The following DIAPH3 variants were observed in gnomAD, a reference collection of about 807,000 sequenced individuals.
The protein encoded by DIAPH3 is protein diaphanous homolog 3.
A neutral mutation model predicts 144.3 loss-of-function variants in DIAPH3; 117 were observed. That is an observed-to-expected ratio of 0.81 (90% CI 0.70 to 0.95). DIAPH3 has a LOEUF of 0.95. Among genes scored for constraint, DIAPH3 ranks in the 40% least tolerant of loss-of-function variants. The pLI, the probability that DIAPH3 is intolerant of heterozygous loss-of-function variation, is 0.00. For missense variants in DIAPH3, 1,421 were observed against 1,412.7 expected (o/e 1.01, Z -0.09); for synonymous variants, 519 against 488.9 (o/e 1.06, Z -0.81).
chr13:60,155,235 G>C (rs964965219), intron 1 of DIAPH3, among the ~76,000 whole-genome samples: 12 of 152,128 alleles, frequency 7.9e-5, no homozygotes, highest in Non-Finnish European at 1.8e-4. Context: ...CAGTTTGCTT[G>C]CTTCATAATT....
intron 27 of DIAPH3, among the ~76,000 whole-genome samples, chr13:59,667,839 T>C (rs1179813680): frequency 1.3e-5 from 2 of 152,226 alleles, no homozygotes; most frequent in African/African-American, 2.4e-5. Context: ...ATTGTCCCAA[T>C]AGTAATGACT....
In DIAPH3 at chr13:60,001,935, T is replaced by A. The variant is rs577043668; in HGVS notation, c.1014+6609A>T. ...AATCTGTGCCTGATTTCAGCTAAAG[T>A]GATCAGTGACACCACATCAGCCCTG... is the stretch of plus-strand genomic sequence containing the variant. On this transcript the variant is annotated intron_variant, in intron 9 of 27. Coordinates refer to ENST00000400324, the MANE Select transcript of DIAPH3 (RefSeq NM_001042517.2). Among the ~76,000 whole-genome samples the A allele has an allele frequency of 5.9e-5, 9 of 152,272 alleles. 1 individual carries two copies. The highest frequency in any genetic ancestry group is 1.4e-4 in the African/African-American group (6 of 41,560).
chr13:60,002,955 A>C (rs1182186329), intron 9 of DIAPH3, among the ~76,000 whole-genome samples: 1 of 152,236 alleles, frequency 6.6e-6, no homozygotes, highest in Non-Finnish European at 1.5e-5. Context: ...AATAAAAATA[A>C]CAGAAGATTA....
intron 22 of DIAPH3, among the ~76,000 whole-genome samples, chr13:59,844,894 C>A (rs73543239): frequency 6.2e-4 from 94 of 152,240 alleles, no homozygotes; most frequent in African/African-American, 2.2e-3. Context: ...TGCTAGAAAC[C>A]TGCTGGTCTT....
chr13:59,749,136 C>T (rs1344392818), intron 27 of DIAPH3, among the ~76,000 whole-genome samples: 2 of 144,042 alleles, frequency 1.4e-5, no homozygotes, highest in Non-Finnish European at 3.0e-5. Flanking sequence ...ATCGCTTGTG[C>T]CCGGGAGGCA....
intron 27 of DIAPH3, among the ~76,000 whole-genome samples, chr13:59,695,837 T>C (rs2033771412): frequency 6.6e-6 from 1 of 152,174 alleles, no homozygotes; most frequent in Non-Finnish European, 1.5e-5. Context: ...TTAAGCTGAG[T>C]CAACCAATTA....
chr13:60,142,555 C>A (rs1268438139), intron 1 of DIAPH3, among the ~76,000 whole-genome samples: 3 of 152,104 alleles, frequency 2.0e-5, no homozygotes, highest in African/African-American at 4.8e-5. Context: ...CCTAAGGAGT[C>A]CCCCCAAGAG....
At chr13:59,874,023 C>A (rs570121531) in intron 21 of DIAPH3, among the ~76,000 whole-genome samples, 6 of 152,230 alleles carry the variant, frequency 3.9e-5, no homozygotes, top group African/African-American at 1.4e-4. Flanking sequence ...TTTGTCGTGG[C>A]TTTGGTGTTG....
At chr13:59,752,236 G>A (rs994411994) in intron 27 of DIAPH3, among the ~76,000 whole-genome samples, 6 of 152,188 alleles carry the variant, frequency 3.9e-5, no homozygotes, top group African/African-American at 1.2e-4. Context: ...AAACCGAGGT[G>A]CAAAGAGATT....
At chr13:59,991,574 A>C (rs928350568) in intron 11 of DIAPH3, among the ~76,000 whole-genome samples, 1 of 151,934 alleles carries the variant, frequency 6.6e-6, no homozygotes, top group African/African-American at 2.4e-5. Context: ...GTTGAATTCT[A>C]AAGGTTGCCT....
intron 17 of DIAPH3, among the ~76,000 whole-genome samples, chr13:59,930,145 A>G (rs562309979): frequency 1.3e-5 from 2 of 152,252 alleles, no homozygotes; most frequent in South Asian, 2.1e-4. Context: ...AACTTTGCCT[A>G]ATTTTGTATA....
chr13:60,015,767 G>GT lies in DIAPH3; in HGVS notation c.771+145dup. On this transcript the variant is annotated intron_variant, in intron 7 of 27. Transcript: ENST00000400324. Reference sequence around the variant, plus strand: ...ATCAAGTTTCTCCTATTGCAAGACAGTTGAAACTAGAATTCAATAAAATTC... The same window carrying GT: ...ATCAAGTTTCTCCTATTGCAAGACAGTTTGAAACTAGAATTCAATAAAATTC... 5.2e-6 allele frequency: 4 copies of GT among 772,712 alleles called. No individual in the cohort carries two copies. The South Asian group carries it at 6.0e-5, about 12-fold the overall frequency. 47.9% of individuals were successfully genotyped at this position (772,712 alleles called of 1,614,324 possible). A position where few individuals can be genotyped will look rare whatever the true frequency, so the allele number is the denominator to read the frequency against.
rs1247258818 is a variant in DIAPH3 at position 59,970,989 on chromosome 13, C to A, written c.1822G>T (p.Gly608Cys). The A allele has an allele frequency of 6.2e-7, 1 of 1,613,504 alleles. No homozygotes were observed. The highest frequency in any genetic ancestry group is 8.5e-7 in the Non-Finnish European group (1 of 1,179,882). The change falls in exon 16 of 28, where the codon GGT becomes TGT. Residue 608 changes from glycine to cysteine, a missense_variant. Gly to Cys is a radical substitution (Grantham distance 159). Transcript: ENST00000400324. Reference sequence around the variant, plus strand: ...AGGGGAGGTGGTGGAGGCACAGGACCACTGAATGGCATCCGCATTCCTGGA... The same window carrying A: ...AGGGGAGGTGGTGGAGGCACAGGACAACTGAATGGCATCCGCATTCCTGGA... ...PLPGMRMPFSGPVPPPPPLGF... is the reference protein window; with the variant it reads ...PLPGMRMPFSCPVPPPPPLGF...
chr13:59,983,586 AC>A (rs1350388363), intron 13 of DIAPH3, among the ~76,000 whole-genome samples, 182 bp downstream of exon 13: 1 of 151,598 alleles, frequency 6.6e-6, no homozygotes, highest in Non-Finnish European at 1.5e-5. Context: ...ATTGTTCTGC[AC>A]CACCAGTGCA....
intron 27 of DIAPH3, among the ~76,000 whole-genome samples, chr13:59,688,113 A>C (rs1277273477): frequency 1.3e-5 from 2 of 152,104 alleles, no homozygotes. Context: ...AGAGATTAAA[A>C]GAAGAAGGAA....
At chr13:59,706,725 G>T (rs1203803287) in intron 27 of DIAPH3, among the ~76,000 whole-genome samples, 1 of 152,152 alleles carries the variant, frequency 6.6e-6, no homozygotes, top group African/African-American at 2.4e-5. Context: ...TTTTGACTGT[G>T]AATGGTCTGC....
At chr13:59,872,396 G>A (rs75847830) in intron 21 of DIAPH3, among the ~76,000 whole-genome samples, 5,235 of 152,150 alleles carry the variant, frequency 0.034, 114 homozygotes, top group Non-Finnish European at 0.049. Flanking sequence ...CACACGCCTG[G>A]TATATCTCAG....
chr13:59,794,071 GA>G (rs1359153838), intron 25 of DIAPH3, among the ~76,000 whole-genome samples: 2 of 152,258 alleles, frequency 1.3e-5, no homozygotes, highest in East Asian at 3.9e-4. Flanking sequence ...TTCAATACTT[GA>G]TTACAAAATA....
chr13:60,035,569 AT>A (rs1437891739), intron 5 of DIAPH3, among the ~76,000 whole-genome samples: 1 of 152,212 alleles, frequency 6.6e-6, no homozygotes, highest in African/African-American at 2.4e-5. Flanking sequence ...TATTTCATCA[AT>A]TTGACATGCT....
Sources: gnomAD v4.1 joint callset for allele counts (sites outside exome capture counted in the v4.1 genomes callset) on GRCh38, gnomAD v4.1.1 for gene constraint, MANE v1.5 for transcripts, NCBI Gene and HGNC (gene_info 2026-07-23, HGNC 2026-07-21) for gene names.